The following FMO5 variants were observed in gnomAD, a reference collection of about 807,000 sequenced individuals.
The protein encoded by FMO5 is flavin containing dimethylaniline monoxygenase 5.
A neutral mutation model predicts 43.6 loss-of-function variants in FMO5; 51 were observed. The ratio of observed to expected loss-of-function variants is 1.17; its 90% CI spans 0.93 to 1.48. The LOEUF (loss-of-function observed/expected upper bound fraction) is 1.48, where lower values mean the gene tolerates loss of function less well. Ranked by LOEUF, FMO5 falls within the 40% of genes most tolerant of loss-of-function variation. The pLI is 0.00. For missense variants in FMO5, 644 were observed against 643.0 expected, an observed-to-expected ratio of 1.00 and a Z score of -0.02; for synonymous variants, 187 against 216.5, an observed-to-expected ratio of 0.86 and a Z score of 1.20.
chr1:147,216,067 A>G (rs1553925016), intron 2 of FMO5, 125 bp from the exon 3 acceptor site: 1 of 656,750 alleles, frequency 1.5e-6, no homozygotes, highest in Admixed American at 2.9e-5. Flanking sequence ...ACCTTCCAGT[A>G]TTTGTGCCCT....
chr1:147,206,559 T>C (rs1388083202), intron 6 of FMO5, among the ~76,000 whole-genome samples: 12 of 152,144 alleles, frequency 7.9e-5, no homozygotes, highest in Admixed American at 7.9e-4. Context: ...GTGGCACATA[T>C]ACACCATGGA....
chr1:147,220,497 C>T (rs1266542832), intron 2 of FMO5, among the ~76,000 whole-genome samples: 3 of 152,098 alleles, frequency 2.0e-5, no homozygotes, highest in African/African-American at 7.2e-5. Context: ...AAGACTTTGT[C>T]CTTAATAGTG....
upstream of FMO5, among the ~76,000 whole-genome samples, chr1:147,226,359 T>C (rs1324752963): frequency 2.0e-5 from 3 of 152,164 alleles, no homozygotes; most frequent in Admixed American, 2.0e-4. Flanking sequence ...TAGTGAGGAA[T>C]GTATTGTTTC....
intron 7 of FMO5, among the ~76,000 whole-genome samples, chr1:147,190,851 A>T (rs766453357): frequency 1.1e-4 from 16 of 151,640 alleles, no homozygotes; most frequent in Admixed American, 5.9e-4. Context: ...ACCCCACAAC[A>T]GTCCCTGGAG....
intron 2 of FMO5, among the ~76,000 whole-genome samples, chr1:147,223,259 C>CATGTCCA (rs1663373796): frequency 6.6e-6 from 1 of 152,096 alleles, no homozygotes; most frequent in African/African-American, 2.4e-5. Context: ...GCTTTTAGCC[C>CATGTCCA]ATGTCCAAGA....
Position 147,186,804 on chromosome 1 carries a change from C to G in FMO5, c.*96G>C, listed in dbSNP as rs1553917122. ...TCGAAAGAGACATTAAAGTAGATTT[C>G]TGGGCAATATGAAACTGAGAGTCAA... is the stretch of plus-strand genomic sequence containing the variant. On this transcript the variant is annotated 3_prime_UTR_variant, in exon 9 of 9. Coordinates refer to ENST00000254090, the MANE Select transcript of FMO5 (RefSeq NM_001461.4). 6.0e-6 allele frequency: 9 copies of G among 1,508,380 alleles called. No individual in the cohort carries two copies. The highest frequency in any genetic ancestry group is 6.2e-6 in the Non-Finnish European group (7 of 1,134,634). 93.4% of individuals were successfully genotyped at this position (1,508,380 alleles called of 1,614,324 possible).
rs1661685217 is a variant in FMO5 at position 147,214,695 on chromosome 1, C to A, written c.324+1059G>T. 2.6e-5 allele frequency: 4 copies of A among 152,166 alleles called. No individual in the cohort carries two copies. In the South Asian group the frequency reaches 8.3e-4, roughly 32 times the overall value. 9.4% of individuals were successfully genotyped at this position (152,166 alleles called of 1,614,324 possible). On this transcript the variant is annotated intron_variant, in intron 3 of 8. Transcript: ENST00000254090. ...ATATTTCATGTCCTGATGGGTTCAA[C>A]ATCTTTCCTCCGAGCTGCAACGTAT...
chr1:147,217,322 C>T (rs1553925240), intron 2 of FMO5, among the ~76,000 whole-genome samples: 1 of 152,000 alleles, frequency 6.6e-6, no homozygotes, highest in African/African-American at 2.4e-5. Context: ...TAAAGTAATG[C>T]AATGATGCAA....
intron 7 of FMO5, among the ~76,000 whole-genome samples, chr1:147,197,297 T>C (rs1658172726): frequency 1.3e-5 from 2 of 152,162 alleles, no homozygotes; most frequent in African/African-American, 4.8e-5. Context: ...ATTGGGTACT[T>C]ATTGCCCACT....
At chr1:147,199,766 G>C (rs1658661265) in intron 7 of FMO5, among the ~76,000 whole-genome samples, 2 of 152,148 alleles carry the variant, frequency 1.3e-5, no homozygotes, top group African/African-American at 4.8e-5. Flanking sequence ...TGCTGGATAG[G>C]ACTGGAAGTA....
intron 6 of FMO5, among the ~76,000 whole-genome samples, chr1:147,206,961 T>A (rs1660206527): frequency 6.6e-6 from 1 of 151,382 alleles, no homozygotes; most frequent in Non-Finnish European, 1.5e-5. Context: ...AAAAGAGAGA[T>A]TAAAGAGACA....
intron 8 of FMO5, 54 bp from the exon 9 acceptor site, chr1:147,187,299 A>C (rs1553917407): frequency 8.2e-6 from 11 of 1,333,354 alleles, no homozygotes; most frequent in Non-Finnish European, 1.1e-5. Context: ...TCAGTCAGTC[A>C]ATCAATTACT....
chr1:147,198,263 A>C (rs1207911407), intron 7 of FMO5, among the ~76,000 whole-genome samples: 1 of 152,194 alleles, frequency 6.6e-6, no homozygotes, highest in Non-Finnish European at 1.5e-5. Flanking sequence ...ATTTCTTAGA[A>C]TAGATGTTTA....
At chr1:147,203,208 C>A in intron 6 of FMO5, 5 of 810,198 alleles carry the variant, frequency 6.2e-6, no homozygotes, top group South Asian at 5.6e-5. Context: ...AATAAGAAAA[C>A]ATCACGCGAT....
At chr1:147,222,168 G>A (rs587733589) in intron 2 of FMO5, among the ~76,000 whole-genome samples, 4 of 152,282 alleles carry the variant, frequency 2.6e-5, no homozygotes, top group East Asian at 3.9e-4. Context: ...TGAGGAGTTC[G>A]AGAATAGCCT....
At chr1:147,190,986 A>C (rs1344775268) in intron 7 of FMO5, among the ~76,000 whole-genome samples, 1 of 151,926 alleles carries the variant, frequency 6.6e-6, no homozygotes, top group Non-Finnish European at 1.5e-5. Context: ...TTCCAGTTTA[A>C]TCCATGTCCC....
intron 2 of FMO5, among the ~76,000 whole-genome samples, chr1:147,220,596 C>T (rs10900325): frequency 0.15 from 22,129 of 152,098 alleles, 1,582 homozygotes; most frequent in South Asian, 0.18. Context: ...AACTGACAAA[C>T]GCTATTTCAA....
chr1:147,195,380 G>A (rs72708571), intron 7 of FMO5, among the ~76,000 whole-genome samples: 18 of 151,964 alleles, frequency 1.2e-4, no homozygotes, highest in Admixed American at 5.2e-4. Flanking sequence ...TGATCCACCC[G>A]TCTCTGCATC....
Position 147,187,097 on chromosome 1 carries a change from T to C in FMO5, c.1405A>G (p.Thr469Ala), listed in dbSNP as rs782551856. 1 of 1,613,928 alleles carries C rather than the reference T, an allele frequency of 6.2e-7. No homozygotes were observed. The highest frequency in any genetic ancestry group is 8.5e-7 in the Non-Finnish European group (1 of 1,179,976). The change falls in exon 9 of 9, where the codon ACT (threonine) becomes GCT (alanine). Residue 469 changes from threonine to alanine, a missense_variant. By Grantham distance (58) the Thr-to-Ala change is moderately conservative (BLOSUM62 0). Transcript: ENST00000254090. ...CCCTGTACACGATAGTGGATTGGAG[T>C]GCAGGGTCCCAGTAATAAGTGTAAT... ...LALHLLLGPC[T>A]PIHYRVQGPG...
Sources: gnomAD v4.1 joint callset for allele counts (sites outside exome capture counted in the v4.1 genomes callset) on GRCh38, gnomAD v4.1.1 for gene constraint, MANE v1.5 for transcripts, NCBI Gene and HGNC (gene_info 2026-07-23, HGNC 2026-07-21) for gene names.